Variants in ZFYVE21 observed in about 807,000 individuals in gnomAD.
ZFYVE21 encodes zinc finger FYVE domain-containing protein 21.
A neutral mutation model predicts 29.5 loss-of-function variants in ZFYVE21; 21 were observed. The ratio of observed to expected loss-of-function variants is 0.71; its 90% CI spans 0.50 to 1.02. ZFYVE21 has a LOEUF of 1.02. ZFYVE21 is among the 50% of genes least tolerant of loss of function. ZFYVE21 has a pLI of 0.00. For synonymous variants in ZFYVE21, 151 were observed against 133.8 expected (o/e 1.13, Z -0.89); for missense variants, 326 against 335.4 (o/e 0.97, Z 0.22).
intron 1 of ZFYVE21, among the ~76,000 whole-genome samples, chr14:103,721,275 G>A (rs8013596): frequency 0.26 from 39,238 of 152,124 alleles, 5,280 homozygotes; most frequent in South Asian, 0.4. Context: ...GGGGACAAGC[G>A]CCCAGGGCTC....
chr14:103,732,090 TCTGTG>T (rs939994701), intron 5 of ZFYVE21: 9 of 152,452 alleles, frequency 5.9e-5, no homozygotes, highest in African/African-American at 2.2e-4. Context: ...GACAATCCCC[TCTGTG>T]CTGACGCCGC....
Position 103,732,628 on chromosome 14 carries a change from G to C in ZFYVE21, c.535G>C (p.Ala179Pro). The change falls in exon 6 of 7, where the codon GCA (alanine) becomes CCA (proline). Residue 179 changes from alanine to proline, a missense_variant. Coordinates refer to ENST00000311141, the MANE Select transcript of ZFYVE21 (RefSeq NM_024071.4). ...TEGFPPGGGN[A>P]RATGMFLQYT... ...TCGTCTCTCTCCTCCAGGAGGCAAC[G>C]CACGGGCCACAGGCATGTTCCTGCA... 6.3e-7 allele frequency: 1 copy of C among 1,575,578 alleles called. No homozygotes were observed. Among genetic ancestry groups the C allele is most frequent in the Middle Eastern group, 1.7e-4 (1 of 5,920 alleles).
chr14:103,731,379 C>G (rs1350240580), intron 5 of ZFYVE21: 2 of 151,216 alleles, frequency 1.3e-5, no homozygotes, highest in Non-Finnish European at 2.9e-5. Context: ...GCGGGCAGAT[C>G]ACCTGAGGTT....
intron 1 of ZFYVE21, among the ~76,000 whole-genome samples, chr14:103,717,365 C>T (rs1018544283): frequency 6.6e-6 from 1 of 152,172 alleles, no homozygotes; most frequent in Non-Finnish European, 1.5e-5. Context: ...AAATACTCTA[C>T]GTCTGTATGA....
At chr14:103,726,582 C>G (rs2083926591) in intron 1 of ZFYVE21, 6 of 624,402 alleles carry the variant, frequency 9.6e-6, no homozygotes, top group Non-Finnish European at 1.7e-5. Flanking sequence ...TCCCGCAGGC[C>G]TGGGAGCAGC....
At chr14:103,730,011 T>C (rs1204195652) in intron 5 of ZFYVE21, 3 of 752,800 alleles carry the variant, frequency 4.0e-6, no homozygotes, top group Non-Finnish European at 6.3e-6. Flanking sequence ...GATAAGTGGG[T>C]TTATAAAGCA....
chr14:103,715,927 C>G lies in ZFYVE21; in HGVS notation c.86C>G (p.Ala29Gly), dbSNP rs749277267. 4.2e-6 allele frequency: 6 copies of G among 1,431,190 alleles called. No individual in the cohort carries two copies. The South Asian group carries it at 6.7e-5, about 16-fold the overall frequency. The allele number at this position is 1,431,190 out of a possible 1,614,324, so 88.7% of individuals were successfully genotyped here. ...SGLRMVPEHR[A>G]FGSPFGLEEP... The stretch of plus-strand genomic sequence containing the variant: ...CTGCGCATGGTGCCCGAACACCGCG[C>G]CTTCGGAAGCCCGTTCGGCCTGGAG... Residue 29 changes from alanine (A) to glycine (G), a missense_variant, in exon 1 of 7, where the codon GCC becomes GGC. Transcript: ENST00000311141.
At chr14:103,720,750 C>G (rs1356269347) in intron 1 of ZFYVE21, among the ~76,000 whole-genome samples, 1 of 152,126 alleles carries the variant, frequency 6.6e-6, no homozygotes, top group Non-Finnish European at 1.5e-5. Flanking sequence ...GGGAGCGGGT[C>G]TCGACCTGCA....
chr14:103,717,921 C>T (rs1035492035), intron 1 of ZFYVE21, among the ~76,000 whole-genome samples: 2 of 152,180 alleles, frequency 1.3e-5, no homozygotes, highest in African/African-American at 4.8e-5. Context: ...TAGAACGGGG[C>T]AGTAAGGGCT....
In ZFYVE21 at chr14:103,716,321, C is replaced by T. The variant is rs998503124; in HGVS notation, c.138+342C>T. Reference sequence around the variant, plus strand: ...CCGAGGCCGGTTCGTGCTGGGCTAGCGCGTGTGGACTGCGTCCCGAGAGCT... The same window carrying T: ...CCGAGGCCGGTTCGTGCTGGGCTAGTGCGTGTGGACTGCGTCCCGAGAGCT... On this transcript the variant is annotated intron_variant, in intron 1 of 6. Transcript: ENST00000311141. The surrounding 1 kb of genome is among the most constrained non-coding windows in gnomAD (Gnocchi z 4.8). Among the ~76,000 whole-genome samples the T allele has an allele frequency of 6.6e-6, 1 of 152,168 alleles. No individual in the cohort carries two copies. The highest frequency in any genetic ancestry group is 1.5e-5 in the Non-Finnish European group (1 of 68,016).
chr14:103,724,936 G>A (rs756026893), intron 1 of ZFYVE21: 8 of 152,316 alleles, frequency 5.3e-5, no homozygotes, highest in Non-Finnish European at 1.5e-5. Context: ...ATGCGCTGCT[G>A]AAGGGCCTGC....
At chr14:103,717,935 A>G (rs1230241956) in intron 1 of ZFYVE21, among the ~76,000 whole-genome samples, 3 of 152,260 alleles carry the variant, frequency 2.0e-5, no homozygotes, top group South Asian at 2.1e-4. Flanking sequence ...AAGGGCTGGA[A>G]GATTTGGAAT....
At chr14:103,726,686 C>A in intron 1 of ZFYVE21, 106 bp from the exon 2 acceptor site, 1 of 1,382,376 alleles carries the variant, frequency 7.2e-7, no homozygotes, top group Non-Finnish European at 1.0e-6. Context: ...TGCTTGGGTG[C>A]GTGGGGAGGT....
chr14:103,723,029 T>A (rs966648439), intron 1 of ZFYVE21, among the ~76,000 whole-genome samples: 3 of 152,164 alleles, frequency 2.0e-5, no homozygotes, highest in Non-Finnish European at 4.4e-5. Context: ...CAGTCCTCTT[T>A]CACCACCGTC....
intron 5 of ZFYVE21, 78 bp downstream of exon 5, chr14:103,729,260 G>C: frequency 6.7e-7 from 1 of 1,499,822 alleles, no homozygotes; most frequent in Admixed American, 1.8e-5. Flanking sequence ...ATGCACTTTT[G>C]GGATCAGGCA....
At chr14:103,727,724 C>G in intron 2 of ZFYVE21, 22 bp from the exon 3 acceptor site, 1 of 1,599,448 alleles carries the variant, frequency 6.3e-7, no homozygotes, top group Non-Finnish European at 8.5e-7. Context: ...TCCTCACTGC[C>G]AATCCTCCCG....
intron 3 of ZFYVE21, chr14:103,728,181 C>T: frequency 2.7e-6 from 1 of 377,038 alleles, no homozygotes; most frequent in South Asian, 4.1e-5. Flanking sequence ...CCAGGCAGCA[C>T]CTTCCTCCTT....
intron 1 of ZFYVE21, chr14:103,724,657 A>G (rs765884139): frequency 3.3e-5 from 5 of 152,178 alleles, no homozygotes; most frequent in African/African-American, 4.8e-5. Flanking sequence ...TTCTTGGTCA[A>G]TATTCAGCCG....
intron 5 of ZFYVE21, chr14:103,730,083 G>C (rs1458491759): frequency 9.2e-6 from 5 of 545,882 alleles, no homozygotes; most frequent in African/African-American, 3.9e-5. Flanking sequence ...GGGTTACCCA[G>C]CAATTGACAG....
Sources: allele counts gnomAD v4.1 joint callset (sites outside exome capture counted in the v4.1 genomes callset), GRCh38; gene constraint gnomAD v4.1.1; non-coding constraint Gnocchi (gnomAD v3.1); transcripts MANE v1.5; gene names NCBI Gene and HGNC (gene_info 2026-07-23, HGNC 2026-07-21).